RAB38: variants seen among roughly 807,000 people sequenced by gnomAD.
The protein encoded by RAB38 is RAB38, member RAS oncogene family.
RAB38 carries 15 observed loss-of-function variants against 18.4 expected under a neutral mutation model. That is an observed-to-expected ratio of 0.82 (90% CI 0.55 to 1.26). The LOEUF (loss-of-function observed/expected upper bound fraction) is 1.26, where lower values mean the gene tolerates loss of function less well. Among genes scored for constraint, RAB38 ranks in the 50% most tolerant of loss-of-function variants. The pLI, the probability that RAB38 is intolerant of heterozygous loss-of-function variation, is 0.00. For missense variants in RAB38, 294 were observed against 267.4 expected (o/e 1.10, Z -0.69); for synonymous variants, 101 against 104.4 (o/e 0.97, Z 0.20).
the RAB38 span, among the ~76,000 whole-genome samples, chr11:88,105,229 G>A: frequency 1.3e-5 from 2 of 151,836 alleles, no homozygotes; most frequent in South Asian, 4.2e-4. Context: ...GTATTCATGT[G>A]CTTTATTTTT....
intron 1 of RAB38, among the ~76,000 whole-genome samples, chr11:88,150,412 G>A (rs1440414554): frequency 6.6e-6 from 1 of 152,144 alleles, no homozygotes; most frequent in Admixed American, 6.5e-5. Flanking sequence ...GGGCAACACT[G>A]TTCTAAATAT....
At chr11:88,025,476 G>A in the RAB38 span, among the ~76,000 whole-genome samples, 1 of 152,156 alleles carries the variant, frequency 6.6e-6, no homozygotes, top group Non-Finnish European at 1.5e-5. Flanking sequence ...CACAGTGGCT[G>A]AACTCATTTA....
chr11:87,948,983 C>G, the RAB38 span, among the ~76,000 whole-genome samples: 54 of 152,192 alleles, frequency 3.5e-4, no homozygotes, highest in African/African-American at 1.2e-3. Flanking sequence ...CCTCCTTGTA[C>G]CTCTGGTAGA....
chr11:87,948,786 G>A, the RAB38 span, among the ~76,000 whole-genome samples: 4 of 150,464 alleles, frequency 2.7e-5, no homozygotes, highest in South Asian at 4.3e-4. Flanking sequence ...TGCTGGATTC[G>A]GTTTGCCAGT....
the RAB38 span, among the ~76,000 whole-genome samples, chr11:88,059,174 A>G: frequency 6.5e-5 from 4 of 61,986 alleles, no homozygotes; most frequent in Non-Finnish European, 9.4e-5. Context: ...GTGGGCATAA[A>G]ATAAGAACGT....
the RAB38 span, among the ~76,000 whole-genome samples, chr11:88,025,319 G>A: frequency 6.6e-6 from 1 of 151,912 alleles, no homozygotes; most frequent in Non-Finnish European, 1.5e-5. Context: ...CTTTGCTACT[G>A]TGAATAGTAC....
chr11:87,937,348 A>G, the RAB38 span, among the ~76,000 whole-genome samples: 1 of 119,362 alleles, frequency 8.4e-6, no homozygotes, highest in Non-Finnish European at 1.8e-5. Flanking sequence ...ATATATATAT[A>G]TATCATAATT....
At chr11:87,919,971 G>C in the RAB38 span, among the ~76,000 whole-genome samples, 34 of 151,690 alleles carry the variant, frequency 2.2e-4, no homozygotes, top group Admixed American at 2.2e-3. Flanking sequence ...CTGTGGCATG[G>C]GTTGTTATGT....
intron 2 of RAB38, among the ~76,000 whole-genome samples, chr11:88,137,507 AAACT>A (rs1942850974): frequency 6.6e-6 from 1 of 152,182 alleles, no homozygotes; most frequent in South Asian, 2.1e-4. Flanking sequence ...AAATTGCAGC[AAACT>A]AATAAACAGA....
the RAB38 span, among the ~76,000 whole-genome samples, chr11:87,908,187 G>A: frequency 2.0e-5 from 3 of 151,874 alleles, no homozygotes; most frequent in South Asian, 6.2e-4. Flanking sequence ...GTGCTCAACT[G>A]CAAGTGTGAT....
At chr11:87,884,654 G>A in the RAB38 span, among the ~76,000 whole-genome samples, 1 of 151,838 alleles carries the variant, frequency 6.6e-6, no homozygotes, top group Non-Finnish European at 1.5e-5. Flanking sequence ...TAAAATAAAT[G>A]GAAGCCAAAG....
At chr11:87,810,139 T>A in the RAB38 span, among the ~76,000 whole-genome samples, 1 of 152,212 alleles carries the variant, frequency 6.6e-6, no homozygotes, top group Non-Finnish European at 1.5e-5. Flanking sequence ...AAGGGGAAAG[T>A]AGACTTTACT....
chr11:88,090,046 C>A, the RAB38 span, among the ~76,000 whole-genome samples: 14 of 151,952 alleles, frequency 9.2e-5, no homozygotes, highest in South Asian at 6.2e-4. Flanking sequence ...CTAGGGGGAG[C>A]AGCTAGGAGA....
chr11:88,029,037 G>A, the RAB38 span, among the ~76,000 whole-genome samples: 1 of 152,158 alleles, frequency 6.6e-6, no homozygotes, highest in African/African-American at 2.4e-5. Context: ...TCTCTCGGCA[G>A]AAACTCTACA....
the RAB38 span, among the ~76,000 whole-genome samples, chr11:88,091,655 G>A: frequency 2.6e-5 from 4 of 151,946 alleles, no homozygotes; most frequent in African/African-American, 9.7e-5. Context: ...ATCAGTTATG[G>A]CCTTTCATAT....
the RAB38 span, chr11:88,062,024 A>G: frequency 6.6e-6 from 1 of 151,228 alleles, no homozygotes; most frequent in Non-Finnish European, 1.5e-5. Context: ...TTTTTTTACT[A>G]GCTATAGTAG....
intron 2 of RAB38, among the ~76,000 whole-genome samples, chr11:88,141,689 G>C (rs117404648): frequency 6.6e-6 from 1 of 152,152 alleles, no homozygotes; most frequent in Non-Finnish European, 1.5e-5. Context: ...ATACCGCAAA[G>C]CTTTGCTCTC....
At chr11:88,129,450 G>A (rs930355314) in intron 2 of RAB38, among the ~76,000 whole-genome samples, 2 of 152,160 alleles carry the variant, frequency 1.3e-5, no homozygotes, top group African/African-American at 4.8e-5. Flanking sequence ...AGATCAGCCT[G>A]GCCAACATGG....
the RAB38 span, among the ~76,000 whole-genome samples, chr11:87,959,951 GT>G: frequency 1.3e-5 from 2 of 152,060 alleles, no homozygotes; most frequent in Non-Finnish European, 2.9e-5. Flanking sequence ...TCAAATCACT[GT>G]TTTTTGGGTT....
Sources: allele counts gnomAD v4.1 joint callset (sites outside exome capture counted in the v4.1 genomes callset), GRCh38; gene constraint gnomAD v4.1.1; transcripts MANE v1.5; gene names NCBI Gene and HGNC (gene_info 2026-07-23, HGNC 2026-07-21).